Variants in EYA4 observed in about 807,000 individuals in gnomAD.
The protein encoded by EYA4 is EYA transcriptional coactivator and phosphatase 4, also known as protein phosphatase EYA4.
EYA4 carries 31 observed loss-of-function variants against 87.9 expected under a neutral mutation model. The observed-to-expected ratio is 0.35, with a 90% CI of 0.27 to 0.48. The LOEUF (loss-of-function observed/expected upper bound fraction) is 0.48. Ranked by LOEUF, EYA4 falls within the 20% of genes least tolerant of loss-of-function variation. EYA4 has a pLI of 0.99. For missense variants in EYA4, 678 were observed against 761.4 expected (o/e 0.89, Z 1.29); for synonymous variants, 263 against 270.6 (o/e 0.97, Z 0.28).
chr6:133,422,416 CTTTATA>C (rs1413447326), intron 3 of EYA4, among the ~76,000 whole-genome samples: 1 of 152,094 alleles, frequency 6.6e-6, no homozygotes, highest in Non-Finnish European at 1.5e-5. Context: ...AGATTATATT[CTTTATA>C]TTTATTCCTA....
At position 133,446,667 on chromosome 6, in the gene EYA4, C is replaced by T; in HGVS notation, c.121C>T (p.Leu41Phe). The stretch of plus-strand genomic sequence containing the variant: ...GCAGGACCTAGCAAGTCCTCATACT[C>T]TTGTTGGAGGTGGTGATACTCCAGG... ...EMQDLASPHTLVGGGDTPGSS... is the reference protein window; with the variant it reads ...EMQDLASPHTFVGGGDTPGSS... Residue 41 changes from leucine (L) to phenylalanine (F), a missense_variant, in exon 4 of 20, where the codon CTT (leucine) becomes TTT (phenylalanine). Physicochemically the swap from Leu to Phe is conservative, Grantham distance 22. Transcript: ENST00000355286. 6.2e-7 allele frequency: 1 copy of T among 1,613,720 alleles called. No homozygotes were observed.
At position 133,462,005 on chromosome 6, in the gene EYA4, T is replaced by G. The variant is rs141902412; in HGVS notation, c.438-330T>G. 0.039 allele frequency: 14,695 copies of G among 373,446 alleles called. 348 individuals carry two copies. The highest frequency in any genetic ancestry group is 0.052 in the Middle Eastern group (57 of 1,100). The allele number at this position is 373,446 out of a possible 1,614,324, so 23.1% of individuals were successfully genotyped here. A position where few individuals can be genotyped will look rare whatever the true frequency, so the allele number is the denominator to read the frequency against. On this transcript the variant is annotated intron_variant, in intron 7 of 19. Coordinates refer to ENST00000355286, the MANE Select transcript of EYA4 (RefSeq NM_004100.5). ...GCTAGTGTGTGCTCCATTTTCCTCA[T>G]CTGTGTATTAACTGGAGTGCTATTT...
Position 133,461,127 on chromosome 6 carries a change from T to C in EYA4, c.384T>C (p.Ser128=). ...DTFTGSVITS[S]GYSPRSAHQY... ...TGTGTCTTACAGTAATTACAAGTAG[T>C]GGCTACAGCCCCAGATCAGCACATC... is the stretch of plus-strand genomic sequence containing the variant. Residue 128 remains serine, a synonymous_variant, in exon 7 of 20, where the codon AGT becomes AGC. Coordinates refer to ENST00000355286, the MANE Select transcript of EYA4 (RefSeq NM_004100.5). 1 of 1,612,664 alleles carries C rather than the reference T, an allele frequency of 6.2e-7. No individual in the cohort carries two copies. Among genetic ancestry groups the C allele is most frequent in the Non-Finnish European group, 8.5e-7 (1 of 1,178,778 alleles).
At position 133,462,367 on chromosome 6, in the gene EYA4, C is replaced by T; in HGVS notation, c.470C>T (p.Ala157Val). The T allele has an allele frequency of 6.2e-7, 1 of 1,614,052 alleles. No homozygotes were observed. Among genetic ancestry groups the T allele is most frequent in the African/African-American group, 1.3e-5 (1 of 75,038 alleles). Reference protein sequence around the residue: ...PYPHILSTPAAQTMSAYAGQT... With the variant: ...PYPHILSTPAVQTMSAYAGQT... ...CCACACATTCTTTCTACACCAGCAG[C>T]TCAAACAATGTCTGCCTATGCAGGC... is the stretch of plus-strand genomic sequence containing the variant. Residue 157 changes from alanine (A) to valine (V), a missense_variant, in exon 8 of 20, where the codon GCT becomes GTT. Coordinates refer to ENST00000355286, the MANE Select transcript of EYA4 (RefSeq NM_004100.5).
At chr6:133,306,127 G>A (rs964077973) in intron 2 of EYA4, among the ~76,000 whole-genome samples, 1 of 152,132 alleles carries the variant, frequency 6.6e-6, no homozygotes. Flanking sequence ...TCTGTCCGAT[G>A]TAGACAATGC....
At chr6:133,324,447 T>C (rs561715419) in intron 2 of EYA4, among the ~76,000 whole-genome samples, 1 of 152,318 alleles carries the variant, frequency 6.6e-6, no homozygotes, top group African/African-American at 2.4e-5. Context: ...AGAGAAGTGT[T>C]ATATAGTACT....
chr6:133,385,815 A>G (rs1369845561), intron 3 of EYA4, among the ~76,000 whole-genome samples: 1 of 152,194 alleles, frequency 6.6e-6, no homozygotes, highest in Non-Finnish European at 1.5e-5. Context: ...TTGGGAAGAA[A>G]TGCTTGGGCT....
chr6:133,354,715 A>G (rs1270559434), intron 2 of EYA4, among the ~76,000 whole-genome samples: 2 of 151,994 alleles, frequency 1.3e-5, no homozygotes, highest in Admixed American at 1.3e-4. Context: ...GACTTCTGGA[A>G]CAAGAATATT....
chr6:133,527,045 C>T (rs1021695829), intron 19 of EYA4, among the ~76,000 whole-genome samples: 2 of 152,170 alleles, frequency 1.3e-5, no homozygotes, highest in Non-Finnish European at 2.9e-5. Context: ...ATACCTAAAA[C>T]TTCAGGAGGG....
chr6:133,287,485 C>T (rs1445118944), intron 2 of EYA4, among the ~76,000 whole-genome samples: 1 of 152,066 alleles, frequency 6.6e-6, no homozygotes, highest in Non-Finnish European at 1.5e-5. Context: ...GAATCAGAAG[C>T]TCTGTGGGCA....
chr6:133,430,498 A>T (rs1197824961), intron 3 of EYA4, among the ~76,000 whole-genome samples: 1 of 152,228 alleles, frequency 6.6e-6, no homozygotes, highest in Non-Finnish European at 1.5e-5. Flanking sequence ...TCATTAAATG[A>T]TTATTAAATT....
At chr6:133,519,052 C>T (rs1295431329) in intron 17 of EYA4, among the ~76,000 whole-genome samples, 1 of 151,238 alleles carries the variant, frequency 6.6e-6, no homozygotes, top group Non-Finnish European at 1.5e-5. Context: ...CAGGAAAGAT[C>T]CAAAATTGAC....
chr6:133,241,211 C>T (rs1452528649), upstream of EYA4: 1 of 152,046 alleles, frequency 6.6e-6, no homozygotes, highest in South Asian at 2.1e-4. Flanking sequence ...CGCCGCCCCC[C>T]GCGTCCCTGG....
chr6:133,297,456 C>T (rs1056305513), intron 2 of EYA4, among the ~76,000 whole-genome samples: 2 of 152,198 alleles, frequency 1.3e-5, no homozygotes, highest in Non-Finnish European at 2.9e-5. Flanking sequence ...CTTGTATCCC[C>T]ATCATTGCCC....
chr6:133,333,446 C>T (rs1446769037), intron 2 of EYA4, among the ~76,000 whole-genome samples: 1 of 152,132 alleles, frequency 6.6e-6, no homozygotes, highest in Admixed American at 6.5e-5. Flanking sequence ...AAATAGATGA[C>T]CATAACAGTT....
chr6:133,388,943 C>T (rs748152697), intron 3 of EYA4, among the ~76,000 whole-genome samples: 3 of 152,172 alleles, frequency 2.0e-5, no homozygotes, highest in Non-Finnish European at 2.9e-5. Flanking sequence ...CGTCCTTCTG[C>T]TTCTGCTCGG....
At chr6:133,398,857 A>G (rs1338499232) in intron 3 of EYA4, among the ~76,000 whole-genome samples, 1 of 152,200 alleles carries the variant, frequency 6.6e-6, no homozygotes, top group Non-Finnish European at 1.5e-5. Context: ...TCCCCAAATA[A>G]AACCAGGGAA....
intron 2 of EYA4, among the ~76,000 whole-genome samples, chr6:133,328,233 AAC>A (rs1781656179): frequency 6.6e-6 from 1 of 152,190 alleles, no homozygotes; most frequent in Non-Finnish European, 1.5e-5. Context: ...GATTAAATGA[AAC>A]AATACAAATA....
chr6:133,411,315 G>A (rs940465354), intron 3 of EYA4, among the ~76,000 whole-genome samples: 2 of 152,008 alleles, frequency 1.3e-5, no homozygotes, highest in African/African-American at 4.8e-5. Context: ...TTTATGGAGC[G>A]GGACCCAATT....
Sources: gnomAD v4.1 joint callset for allele counts (sites outside exome capture counted in the v4.1 genomes callset) on GRCh38, gnomAD v4.1.1 for gene constraint, MANE v1.5 for transcripts, NCBI Gene and HGNC (gene_info 2026-07-23, HGNC 2026-07-21) for gene names.